Variants in THRAP3 observed in about 807,000 individuals in gnomAD.
THRAP3 encodes thyroid hormone receptor-associated protein 3.
In THRAP3, 16 loss-of-function variants were observed where a neutral mutation model predicts 101.0. The observed-to-expected ratio is 0.16, with a 90% CI of 0.11 to 0.24. THRAP3 has a LOEUF of 0.24. Ranked by LOEUF, THRAP3 falls within the 10% of genes least tolerant of loss-of-function variation. The pLI, the probability that THRAP3 is intolerant of heterozygous loss-of-function variation, is 1.00. For missense variants in THRAP3, 989 were observed against 1,202.7 expected (o/e 0.82, Z 2.63); for synonymous variants, 407 against 422.6 (o/e 0.96, Z 0.45).
At chr1:36,225,303 A>T (rs1311161201) in intron 1 of THRAP3, 1 of 152,204 alleles carries the variant, frequency 6.6e-6, no homozygotes, top group African/African-American at 2.4e-5. Flanking sequence ...AGAGTATAGA[A>T]GGACCTGGCA....
In THRAP3 at chr1:36,234,032, C is replaced by T. The variant is rs375330870; in HGVS notation, c.-135+9527C>T. The stretch of plus-strand genomic sequence containing the variant: ...GTATGGTGGCGTGATCACGGCTAAC[C>T]TCAGCCTGGACCTCTTGGGCCCAGG... On this transcript the variant is annotated intron_variant, in intron 1 of 11. Coordinates refer to ENST00000354618, the MANE Select transcript of THRAP3 (RefSeq NM_005119.4). 7.2e-5 allele frequency among the ~76,000 whole-genome samples: 11 copies of T among 152,092 alleles called. No homozygotes were observed. The East Asian group carries it at 1.9e-3, about 27-fold the overall frequency.
Position 36,282,530 on chromosome 1 carries a change from T to A in THRAP3, c.-31-3T>A, listed in dbSNP as rs775120898. 8 of 1,605,298 alleles carry A rather than the reference T, an allele frequency of 5.0e-6. No homozygotes were observed. The East Asian group carries it at 1.3e-4, about 27-fold the overall frequency. ...TTTGTTCTAATGCATTTTCTTACAT[T>A]AGGTGTAATTGAAAAGTGATCCTCT... On this transcript the variant is annotated splice_polypyrimidine_tract_variant and splice_region_variant and intron_variant, in intron 2 of 11. Coordinates refer to ENST00000354618, the MANE Select transcript of THRAP3 (RefSeq NM_005119.4).
At chr1:36,251,939 G>A (rs1390488230) in intron 1 of THRAP3, among the ~76,000 whole-genome samples, 1 of 152,170 alleles carries the variant, frequency 6.6e-6, no homozygotes, top group Non-Finnish European at 1.5e-5. Flanking sequence ...AGGCTTCAGA[G>A]CCAGATGTGC....
chr1:36,243,147 CT>C (rs940800780), intron 1 of THRAP3, among the ~76,000 whole-genome samples: 11 of 73,184 alleles, frequency 1.5e-4, no homozygotes, highest in African/African-American at 6.2e-4. Flanking sequence ...TTGTGAGGAA[CT>C]TTCTTTTTTT....
intron 1 of THRAP3, among the ~76,000 whole-genome samples, chr1:36,252,219 G>A (rs1166413551): frequency 2.0e-5 from 3 of 152,238 alleles, no homozygotes; most frequent in South Asian, 2.1e-4. Context: ...TCCGCTTCCC[G>A]GGTTGAAGCA....
At position 36,303,802 on chromosome 1, in the gene THRAP3, G is replaced by T; in HGVS notation, c.2653G>T (p.Asp885Tyr). The T allele has an allele frequency of 3.1e-6, 5 of 1,613,952 alleles. No homozygotes were observed. In the South Asian group the frequency reaches 5.5e-5, roughly 18 times the overall value. The change falls in exon 12 of 12, where the codon GAC becomes TAC. Residue 885 changes from aspartate (D) to tyrosine (Y), a missense_variant. Coordinates refer to ENST00000354618, the MANE Select transcript of THRAP3 (RefSeq NM_005119.4). ...CAATTTTCTTTCCCCTCAGCATGATGACCGTGAAGGCGAAGGCAGTGACAA... is the reference window on the plus strand; with the variant it reads ...CAATTTTCTTTCCCCTCAGCATGATTACCGTGAAGGCGAAGGCAGTGACAA... ...PKSKKYYLHD[D>Y]REGEGSDKWV...
intron 2 of THRAP3, among the ~76,000 whole-genome samples, chr1:36,277,466 C>T (rs1016316126): frequency 1.3e-5 from 2 of 152,018 alleles, no homozygotes; most frequent in East Asian, 3.9e-4. Flanking sequence ...TCCCAACGTG[C>T]TGGGATTACA....
At chr1:36,209,250 T>C in the THRAP3 span, among the ~76,000 whole-genome samples, 1 of 152,128 alleles carries the variant, frequency 6.6e-6, no homozygotes, top group Non-Finnish European at 1.5e-5. Context: ...AGCACTGGGA[T>C]TACTGGAGTG....
chr1:36,232,862 A>G (rs977030874), intron 1 of THRAP3, among the ~76,000 whole-genome samples: 41 of 145,648 alleles, frequency 2.8e-4, no homozygotes, highest in Non-Finnish European at 5.4e-4. Context: ...GTTTTGTCAA[A>G]ACTCATCGAA....
upstream of THRAP3, among the ~76,000 whole-genome samples, chr1:36,223,982 T>G (rs1318936917): frequency 6.6e-6 from 1 of 151,574 alleles, no homozygotes; most frequent in East Asian, 1.9e-4. Flanking sequence ...AGGAAACAAG[T>G]TTAGAGAGGA....
At chr1:36,297,565 C>A (rs188166066) in intron 9 of THRAP3, among the ~76,000 whole-genome samples, 1 of 151,234 alleles carries the variant, frequency 6.6e-6, no homozygotes, top group African/African-American at 2.4e-5. Context: ...TCTCCTGCCT[C>A]AGCCTCCTGA....
intron 1 of THRAP3, among the ~76,000 whole-genome samples, chr1:36,237,510 C>G (rs984543200): frequency 6.7e-6 from 1 of 148,824 alleles, no homozygotes; most frequent in South Asian, 2.1e-4. Context: ...ATGGCTCATG[C>G]CTGTAATCCC....
chr1:36,303,966 T>C lies in THRAP3; in HGVS notation c.2817T>C (p.Ser939=). The change falls in exon 12 of 12, where the codon AGT becomes AGC. Residue 939 remains serine, a synonymous_variant. Transcript: ENST00000354618. ...GEEGEIEDDE[S]GTENREEKDN... is the part of the protein sequence containing the mutation. ...AAGGGGAGATTGAAGACGACGAGAG[T>C]GGGACAGAGAACCGAGAAGAGAAGG... The C allele has an allele frequency of 6.2e-7, 1 of 1,608,046 alleles. No individual in the cohort carries two copies. Among genetic ancestry groups the C allele is most frequent in the South Asian group, 1.1e-5 (1 of 90,396 alleles).
At position 36,289,761 on chromosome 1, in the gene THRAP3, C is replaced by A; in HGVS notation, c.1742C>A (p.Ala581Glu). The A allele has an allele frequency of 6.2e-7, 1 of 1,600,572 alleles. No individual in the cohort carries two copies. ...VRMDSFDEDLARPSGLLAQER... is the reference protein window; with the variant it reads ...VRMDSFDEDLERPSGLLAQER... ...ATGGACTCTTTTGATGAGGACCTCG[C>A]ACGGTGAGATATGCTCCTTCTTGAT... The change falls in exon 5 of 12, where the codon GCA becomes GAA. Residue 581 changes from alanine (A) to glutamate (E), a missense_variant. Coordinates refer to ENST00000354618, the MANE Select transcript of THRAP3 (RefSeq NM_005119.4).
rs1485252592 is a variant in THRAP3 at position 36,289,723 on chromosome 1, G to A, written c.1704G>A (p.Gln568=). 14 of 1,613,290 alleles carry A rather than the reference G, an allele frequency of 8.7e-6. No homozygotes were observed. The highest frequency in any genetic ancestry group is 1.1e-5 in the Non-Finnish European group (13 of 1,179,738). The change falls in exon 5 of 12, where the codon CAG becomes CAA. Residue 568 remains glutamine, a synonymous_variant. Transcript: ENST00000354618. ...CCTTTTCCATTACTCGAGAGGCACA[G>A]GTCAATGTCCGGATGGACTCTTTTG... ...KSSFSITREA[Q]VNVRMDSFDE... is the part of the protein sequence containing the mutation.
chr1:36,301,105 C>A, intron 10 of THRAP3, 21 bp downstream of exon 10: 1 of 1,610,018 alleles, frequency 6.2e-7, no homozygotes, highest in Non-Finnish European at 8.5e-7. Context: ...CCCCTCTCCC[C>A]CTTTCTCTGA....
At chr1:36,251,345 A>G (rs1231523362) in intron 1 of THRAP3, among the ~76,000 whole-genome samples, 1 of 152,216 alleles carries the variant, frequency 6.6e-6, no homozygotes, top group African/African-American at 2.4e-5. Flanking sequence ...TCAGATGGGA[A>G]AGTTACTTTT....
chr1:36,297,641 C>G (rs1451462941), intron 9 of THRAP3, among the ~76,000 whole-genome samples: 3 of 151,566 alleles, frequency 2.0e-5, no homozygotes, highest in Non-Finnish European at 4.4e-5. Context: ...GATGGAGTTT[C>G]ACCATGTTGG....
the THRAP3 span, among the ~76,000 whole-genome samples, chr1:36,213,524 G>A: frequency 6.6e-6 from 1 of 152,018 alleles, no homozygotes; most frequent in Non-Finnish European, 1.5e-5. Context: ...ATTCCTCTGA[G>A]ATTTTGAAGC....
Sources: gnomAD v4.1 joint callset for allele counts (sites outside exome capture counted in the v4.1 genomes callset) on GRCh38, gnomAD v4.1.1 for gene constraint, MANE v1.5 for transcripts, NCBI Gene and HGNC (gene_info 2026-07-23, HGNC 2026-07-21) for gene names.